FHIT: variants seen among roughly 807,000 people sequenced by gnomAD.
FHIT encodes the protein fragile histidine triad diadenosine triphosphatase.
Under a neutral mutation model 17.9 loss-of-function variants are expected in FHIT, and 19 were observed. The ratio of observed to expected loss-of-function variants is 1.06; its 90% CI spans 0.74 to 1.56. FHIT has a LOEUF of 1.56. Ranked by LOEUF, FHIT falls within the 40% of genes most tolerant of loss-of-function variation. The pLI is 0.00. For missense variants in FHIT, 248 were observed against 189.2 expected (o/e 1.31, Z -1.82); for synonymous variants, 81 against 69.7 (o/e 1.16, Z -0.81).
At chr3:60,068,289 C>T (rs1359998850) in intron 5 of FHIT, among the ~76,000 whole-genome samples, 1 of 152,146 alleles carries the variant, frequency 6.6e-6, no homozygotes, top group African/African-American at 2.4e-5. Context: ...GTCCCAATGT[C>T]TATTTCCAAG....
chr3:59,883,694 T>C (rs2106965379), intron 8 of FHIT, among the ~76,000 whole-genome samples: 1 of 152,358 alleles, frequency 6.6e-6, no homozygotes, highest in East Asian at 1.9e-4. Context: ...CTACCGCACG[T>C]CTCTTTCCAA....
At chr3:60,040,762 A>T (rs1003706584) in intron 5 of FHIT, among the ~76,000 whole-genome samples, 1 of 152,152 alleles carries the variant, frequency 6.6e-6, no homozygotes, top group Non-Finnish European at 1.5e-5. Context: ...CTGGTCCTGG[A>T]GTGACTCCAG....
chr3:61,196,776 T>A (rs2038863094), intron 2 of FHIT, among the ~76,000 whole-genome samples: 1 of 152,166 alleles, frequency 6.6e-6, no homozygotes, highest in Non-Finnish European at 1.5e-5. Context: ...CTGTAGCCGC[T>A]GAAGAGAGGC....
intron 5 of FHIT, among the ~76,000 whole-genome samples, chr3:60,030,658 T>C (rs1052098676): frequency 2.6e-5 from 4 of 152,202 alleles, no homozygotes; most frequent in Non-Finnish European, 5.9e-5. Flanking sequence ...AGCTGTATTC[T>C]ACCTGGATAC....
intron 5 of FHIT, among the ~76,000 whole-genome samples, chr3:60,527,802 A>AC (rs2035628756): frequency 6.6e-6 from 1 of 152,172 alleles, no homozygotes; most frequent in African/African-American, 2.4e-5. Flanking sequence ...CAGGACACCC[A>AC]CCCCACCGTA....
chr3:60,461,464 T>C (rs2032461510), intron 5 of FHIT, among the ~76,000 whole-genome samples: 1 of 121,648 alleles, frequency 8.2e-6, no homozygotes, highest in Non-Finnish European at 1.7e-5. Context: ...GTCATCTTGT[T>C]CTCATTGTCA....
At chr3:61,058,667 G>A (rs1050419799) in intron 2 of FHIT, among the ~76,000 whole-genome samples, 1 of 152,152 alleles carries the variant, frequency 6.6e-6, no homozygotes, top group Non-Finnish European at 1.5e-5. Context: ...CTCCAGCCAT[G>A]CTTCCTCTAC....
intron 5 of FHIT, among the ~76,000 whole-genome samples, chr3:60,176,333 C>G (rs1199527525): frequency 6.6e-6 from 1 of 152,116 alleles, no homozygotes; most frequent in Non-Finnish European, 1.5e-5. Flanking sequence ...GCCTGGGTGA[C>G]AGAGTGAGAC....
intron 5 of FHIT, among the ~76,000 whole-genome samples, chr3:60,442,097 C>T (rs752268959): frequency 2.0e-5 from 3 of 151,688 alleles, no homozygotes; most frequent in South Asian, 2.1e-4. Context: ...TGGGCTCAAG[C>T]GATCCTCCTG....
chr3:60,797,495 A>AGTAGTT (rs1295701309), intron 4 of FHIT, among the ~76,000 whole-genome samples: 2 of 149,300 alleles, frequency 1.3e-5, no homozygotes, highest in African/African-American at 5.0e-5. Context: ...TAGTAGTAGT[A>AGTAGTT]GTTAGTGCTG....
At chr3:59,880,277 T>G (rs1190065725) in intron 8 of FHIT, among the ~76,000 whole-genome samples, 1 of 152,146 alleles carries the variant, frequency 6.6e-6, no homozygotes, top group African/African-American at 2.4e-5. Context: ...TGCTCTTCTC[T>G]CTCTCTCAGG....
At chr3:61,013,844 T>C (rs1382570697) in intron 3 of FHIT, among the ~76,000 whole-genome samples, 1 of 152,222 alleles carries the variant, frequency 6.6e-6, no homozygotes, top group East Asian at 1.9e-4. Flanking sequence ...CTGATTTCTT[T>C]CACAGTTTTC....
At chr3:60,435,487 C>T (rs555684814) in intron 5 of FHIT, among the ~76,000 whole-genome samples, 76 of 151,904 alleles carry the variant, frequency 5.0e-4, no homozygotes, top group Admixed American at 1.7e-3. Context: ...ATGGTGCACA[C>T]GTCTGCTGAA....
chr3:60,682,921 G>A (rs1381493788), intron 4 of FHIT, among the ~76,000 whole-genome samples: 2 of 152,288 alleles, frequency 1.3e-5, no homozygotes, highest in East Asian at 1.9e-4. Flanking sequence ...AACATGAAAA[G>A]GTGTTTGGGA....
At chr3:59,893,508 A>G (rs1184361463) in intron 8 of FHIT, among the ~76,000 whole-genome samples, 1 of 152,244 alleles carries the variant, frequency 6.6e-6, no homozygotes, top group East Asian at 1.9e-4. Flanking sequence ...TTAATGGAGA[A>G]ATAGGAGAAT....
At chr3:60,381,024 A>G (rs1700779100) in intron 5 of FHIT, among the ~76,000 whole-genome samples, 1 of 151,958 alleles carries the variant, frequency 6.6e-6, no homozygotes, top group Admixed American at 6.6e-5. Flanking sequence ...AGCCTTTGAA[A>G]CTCCATGATT....
rs114362747 is a variant in FHIT at position 60,888,787 on chromosome 3, T to C, written c.-110-66776A>G. 3.0e-3 allele frequency among the ~76,000 whole-genome samples: 462 copies of C among 152,340 alleles called. 3 individuals carry two copies. Among genetic ancestry groups the C allele is most frequent in the African/African-American group, 0.011 (444 of 41,564 alleles). On this transcript the variant is annotated intron_variant, in intron 3 of 9. Transcript: ENST00000492590. Reference sequence around the variant, plus strand: ...TCTGTAACATGTATTTATTTAACTTTTTATTTTGAGATAATTATAGATTCA... The same window carrying C: ...TCTGTAACATGTATTTATTTAACTTCTTATTTTGAGATAATTATAGATTCA...
At position 59,799,836 on chromosome 3, in the gene FHIT, G is replaced by A. The variant is rs1699924196; in HGVS notation, c.349-47515C>T. Among the ~76,000 whole-genome samples, 3 of 152,090 alleles carry A rather than the reference G, an allele frequency of 2.0e-5. No homozygotes were observed. In the South Asian group the frequency reaches 6.2e-4, roughly 31 times the overall value. On this transcript the variant is annotated intron_variant, in intron 8 of 9. Coordinates refer to ENST00000492590, the MANE Select transcript of FHIT (RefSeq NM_002012.4). ...CATAACGGTGTCTTGCAAGAAAAAA[G>A]TCCCTTGTGGGGGCGATTTTTTAAA... is the stretch of plus-strand genomic sequence containing the variant.
intron 7 of FHIT, among the ~76,000 whole-genome samples, chr3:59,928,763 A>G (rs1054310193): frequency 3.3e-5 from 5 of 152,220 alleles, no homozygotes; most frequent in East Asian, 1.9e-4. Context: ...TTGGGAGGCC[A>G]AGGCGGGTGG....
Sources: gnomAD v4.1 joint callset for allele counts (sites outside exome capture counted in the v4.1 genomes callset) on GRCh38, gnomAD v4.1.1 for gene constraint, MANE v1.5 for transcripts, NCBI Gene and HGNC (gene_info 2026-07-23, HGNC 2026-07-21) for gene names.